PRH1: variants seen among roughly 807,000 people sequenced by gnomAD.
The protein encoded by PRH1 is salivary acidic proline-rich phosphoprotein 1/2.
In PRH1, 7 loss-of-function variants were observed where a neutral mutation model predicts 7.9. That is an observed-to-expected ratio of 0.89 (90% CI 0.50 to 1.67). PRH1 has a LOEUF of 1.67. PRH1 is among the 40% of genes most tolerant of loss of function. The pLI is 0.00. For synonymous variants in PRH1, 45 were observed against 80.8 expected (o/e 0.56, Z 2.38); for missense variants, 109 against 223.6 (o/e 0.49, Z 3.27).
chr12:11,080,930 A>C (rs796147168), intron 1 of PRH1, among the ~76,000 whole-genome samples: 11,297 of 74,618 alleles, frequency 0.15, 1,489 homozygotes, highest in Middle Eastern at 0.22. Context: ...TTCAACCTCT[A>C]GCTACTTTTC....
chr12:11,035,094 CTAGT>C (rs1942381002), intron 1 of PRH1, among the ~76,000 whole-genome samples: 1 of 151,628 alleles, frequency 6.6e-6, no homozygotes, highest in South Asian at 2.1e-4. Context: ...ATCTTTTCCT[CTAGT>C]TACTTTTCAG....
chr12:10,939,474 G>A (rs555663290), intron 2 of PRH1, among the ~76,000 whole-genome samples: 1 of 151,854 alleles, frequency 6.6e-6, no homozygotes, highest in African/African-American at 2.4e-5. Context: ...GTCTTTTGTA[G>A]CTGGTGAGAA....
chr12:10,903,928 C>T (rs1452886098), intron 2 of PRH1, among the ~76,000 whole-genome samples: 1 of 39,136 alleles, frequency 2.6e-5, no homozygotes, highest in Non-Finnish European at 7.0e-5. Flanking sequence ...TTTACAATAG[C>T]CTCAAAAAAA....
At chr12:10,996,038 A>T (rs1185001579) in intron 1 of PRH1, among the ~76,000 whole-genome samples, 2 of 152,036 alleles carry the variant, frequency 1.3e-5, no homozygotes, top group Admixed American at 6.6e-5. Context: ...AACATAAAAT[A>T]AGAATTCATC....
chr12:10,994,866 A>G (rs12311429), intron 1 of PRH1, among the ~76,000 whole-genome samples: 46,308 of 152,118 alleles, frequency 0.3, 8,906 homozygotes, highest in East Asian at 0.74. Flanking sequence ...TAAATATATC[A>G]TTCGCAATAG....
At chr12:10,890,428 G>T (rs2135791874) in intron 2 of PRH1, among the ~76,000 whole-genome samples, 1 of 152,050 alleles carries the variant, frequency 6.6e-6, no homozygotes, top group East Asian at 1.9e-4. Flanking sequence ...TGCACTGTTT[G>T]TTCAATCCTC....
intron 1 of PRH1, among the ~76,000 whole-genome samples, chr12:10,990,740 C>T (rs1329584746): frequency 1.3e-5 from 2 of 152,062 alleles, no homozygotes; most frequent in Non-Finnish European, 2.9e-5. Context: ...GGTATGGCAG[C>T]AGTTTAGATG....
intron 1 of PRH1, among the ~76,000 whole-genome samples, chr12:11,066,175 C>T (rs1301168964): frequency 7.2e-6 from 1 of 139,338 alleles, no homozygotes; most frequent in Non-Finnish European, 1.6e-5. Flanking sequence ...CTAAAGAATT[C>T]CACCATTTAA....
At chr12:11,142,753 C>A (rs1050123634) in intron 1 of PRH1, among the ~76,000 whole-genome samples, 1 of 152,104 alleles carries the variant, frequency 6.6e-6, no homozygotes, top group Non-Finnish European at 1.5e-5. Context: ...CTACATCTGG[C>A]AGCAGACTTC....
intron 2 of PRH1, among the ~76,000 whole-genome samples, chr12:10,945,224 A>G (rs189743344): frequency 6.6e-5 from 10 of 152,228 alleles, no homozygotes; most frequent in South Asian, 2.1e-4. Flanking sequence ...TACTGATTCA[A>G]TTTTGGAGTT....
intron 1 of PRH1, among the ~76,000 whole-genome samples, chr12:11,068,228 A>G (rs7972223): frequency 0.02 from 3,083 of 152,210 alleles, 103 homozygotes; most frequent in African/African-American, 0.069. Flanking sequence ...GATTATCCCA[A>G]TTGTTATGAT....
chr12:11,070,372 A>C (rs1944009390), intron 1 of PRH1, among the ~76,000 whole-genome samples: 1 of 150,388 alleles, frequency 6.6e-6, no homozygotes, highest in Non-Finnish European at 1.5e-5. Context: ...AAGTGTTAGC[A>C]GGCTACCACA....
chr12:10,887,327 T>C (rs1949506912), upstream of PRH1, among the ~76,000 whole-genome samples: 1 of 152,148 alleles, frequency 6.6e-6, no homozygotes, highest in Non-Finnish European at 1.5e-5. Flanking sequence ...ATTCTATTAA[T>C]TGCACCAACT....
intron 1 of PRH1, among the ~76,000 whole-genome samples, chr12:11,111,207 G>A (rs936717916): frequency 6.6e-6 from 1 of 152,132 alleles, no homozygotes; most frequent in African/African-American, 2.4e-5. Flanking sequence ...AATAGTGAGA[G>A]ACTTTAACAC....
intron 1 of PRH1, among the ~76,000 whole-genome samples, chr12:11,003,563 A>G (rs1301943341): frequency 6.6e-6 from 1 of 151,820 alleles, no homozygotes; most frequent in East Asian, 1.9e-4. Context: ...AATTATAAGA[A>G]TTTATTTCAA....
intron 1 of PRH1, chr12:11,166,176 C>T (rs1399546441): frequency 6.6e-6 from 1 of 152,290 alleles, no homozygotes; most frequent in African/African-American, 2.4e-5. Context: ...GGCAATCTTC[C>T]TGCCCCTCCT....
chr12:10,915,805 T>G lies in PRH1; in HGVS notation c.-58-31530A>C, dbSNP rs139600241. Reference sequence around the variant, plus strand: ...ATCTGTCCTGTCTTTGCTTTTCTTCTTTGTCTGTCCTATAAAAGCATCCCC... The same window carrying G: ...ATCTGTCCTGTCTTTGCTTTTCTTCGTTGTCTGTCCTATAAAAGCATCCCC... On this transcript the variant is annotated intron_variant, in intron 2 of 3. Transcript: ENST00000539853. 2.0e-3 allele frequency among the ~76,000 whole-genome samples: 305 copies of G among 152,330 alleles called. 3 individuals are homozygous for G. The South Asian group carries it at 0.021, about 11-fold the overall frequency.
At chr12:11,164,386 A>G (rs1947510023) in intron 1 of PRH1, among the ~76,000 whole-genome samples, 1 of 152,168 alleles carries the variant, frequency 6.6e-6, no homozygotes, top group South Asian at 2.1e-4. Context: ...CACTGGTTGT[A>G]TCATGGGACT....
chr12:11,161,120 C>A (rs538067454), intron 1 of PRH1, among the ~76,000 whole-genome samples: 1 of 152,188 alleles, frequency 6.6e-6, no homozygotes, highest in African/African-American at 2.4e-5. Context: ...CTCCTCCATG[C>A]ACCTTTTCTG....
Sources: allele counts gnomAD v4.1 joint callset (sites outside exome capture counted in the v4.1 genomes callset), GRCh38; gene constraint gnomAD v4.1.1; transcripts MANE v1.5; gene names NCBI Gene and HGNC (gene_info 2026-07-23, HGNC 2026-07-21).